TMEM242: variants seen among roughly 807,000 people sequenced by gnomAD.
The protein encoded by TMEM242 is transmembrane protein 242.
Under a neutral mutation model 18.2 loss-of-function variants are expected in TMEM242, and 10 were observed. That is an observed-to-expected ratio of 0.55 (90% CI 0.34 to 0.93). The LOEUF (loss-of-function observed/expected upper bound fraction) is 0.93. TMEM242 is among the 40% of genes least tolerant of loss of function. The pLI, the probability that TMEM242 is intolerant of heterozygous loss-of-function variation, is 0.02. For synonymous variants in TMEM242, 57 were observed against 69.9 expected (o/e 0.81, Z 0.92); for missense variants, 186 against 175.5 (o/e 1.06, Z -0.34).
At chr6:157,312,678 C>T (rs1554249379) in intron 3 of TMEM242, among the ~76,000 whole-genome samples, 1 of 146,896 alleles carries the variant, frequency 6.8e-6, no homozygotes, top group Non-Finnish European at 1.5e-5. Context: ...GTGCACTCAC[C>T]TAGCCTCATC....
intron 3 of TMEM242, among the ~76,000 whole-genome samples, chr6:157,310,534 A>ACTG (rs1777997066): frequency 5.1e-4 from 5 of 9,840 alleles, no homozygotes; most frequent in East Asian, 3.2e-3. Context: ...TCATCATGGT[A>ACTG]TCCCAGTGTG....
chr6:157,323,332 T>A (rs587745978), intron 1 of TMEM242, 80 bp downstream of exon 1: 704 of 1,460,452 alleles, frequency 4.8e-4, no homozygotes, highest in Non-Finnish European at 6.3e-4. Flanking sequence ...GGGATGTGTG[T>A]GGGAATGCCC....
In TMEM242 at chr6:157,308,652, C is replaced by T. The variant is rs138938709; in HGVS notation, c.327+10130G>A. On this transcript the variant is annotated intron_variant, in intron 3 of 3. Coordinates refer to ENST00000400788, the MANE Select transcript of TMEM242 (RefSeq NM_018452.6). Reference sequence around the variant, plus strand: ...TCTATCAGCAGAAGAGGAGGCAAGACGGGGCCCTGGAAAGCTGTGCAAGAT... The same window carrying T: ...TCTATCAGCAGAAGAGGAGGCAAGATGGGGCCCTGGAAAGCTGTGCAAGAT... Among the ~76,000 whole-genome samples the T allele has an allele frequency of 2.2e-3, 338 of 151,552 alleles. 3 individuals carry two copies. The highest frequency in any genetic ancestry group is 7.5e-3 in the African/African-American group (312 of 41,356).
At chr6:157,294,443 C>T (rs989673323) in intron 3 of TMEM242, among the ~76,000 whole-genome samples, 3 of 149,358 alleles carry the variant, frequency 2.0e-5, no homozygotes, top group Admixed American at 6.7e-5. Flanking sequence ...CTCCGCCTCC[C>T]GGGTTCACGC....
intron 3 of TMEM242, among the ~76,000 whole-genome samples, chr6:157,314,295 T>G (rs1554250095): frequency 6.7e-6 from 1 of 149,974 alleles, no homozygotes; most frequent in Non-Finnish European, 1.5e-5. Flanking sequence ...AGTGTCGCAG[T>G]GTGCACTCAC....
At chr6:157,313,077 T>TCC (rs1778240829) in intron 3 of TMEM242, among the ~76,000 whole-genome samples, 5 of 149,052 alleles carry the variant, frequency 3.4e-5, no homozygotes, top group African/African-American at 1.0e-4. Flanking sequence ...GGTCCCAGTA[T>TCC]GCACTCACCT....
At chr6:157,303,993 C>T (rs1554247704) in intron 3 of TMEM242, among the ~76,000 whole-genome samples, 3 of 152,080 alleles carry the variant, frequency 2.0e-5, no homozygotes, top group East Asian at 3.8e-4. Flanking sequence ...TTCCTGTTTA[C>T]GGTATTTAAA....
chr6:157,293,145 T>C, intron 3 of TMEM242, 146 bp from the exon 4 acceptor site: 1 of 552,566 alleles, frequency 1.8e-6, no homozygotes, highest in East Asian at 2.8e-5. Context: ...GGACTATATA[T>C]ATCCTAGGTA....
Position 157,318,846 on chromosome 6 carries a change from A to T in TMEM242, c.263T>A (p.Leu88Gln), listed in dbSNP as rs1480377958. ...CACACCAACCCCACACCATGCATAC[A>T]GGGAGCCCCAGCCCAGAGCTCGCAA... The part of the protein sequence containing the change: ...LALRALGWGS[L>Q]YAWCGVGVIS... The change falls in exon 3 of 4, where the codon CTG becomes CAG. Residue 88 changes from leucine to glutamine, a missense_variant. Leu to Gln is a moderately radical substitution (Grantham distance 113). Transcript: ENST00000400788. 8 of 1,613,826 alleles carry T rather than the reference A, an allele frequency of 5.0e-6. No individual in the cohort carries two copies. The highest frequency in any genetic ancestry group is 1.3e-5 in the African/African-American group (1 of 74,938).
intron 2 of TMEM242, among the ~76,000 whole-genome samples, chr6:157,322,319 T>C (rs1778508958): frequency 6.6e-6 from 1 of 152,092 alleles, no homozygotes; most frequent in South Asian, 2.1e-4. Context: ...TTAGTAGAGA[T>C]GGGTTTTCGC....
At chr6:157,320,832 G>A (rs1247800871) in intron 2 of TMEM242, among the ~76,000 whole-genome samples, 1 of 152,068 alleles carries the variant, frequency 6.6e-6, no homozygotes, top group Non-Finnish European at 1.5e-5. Flanking sequence ...GAAAAGACAA[G>A]CTCATTTTAT....
At chr6:157,321,875 T>C (rs1778499928) in intron 2 of TMEM242, among the ~76,000 whole-genome samples, 2 of 152,312 alleles carry the variant, frequency 1.3e-5, no homozygotes, top group Middle Eastern at 3.4e-3. Context: ...GAAAACATTC[T>C]ATAACATAGA....
chr6:157,310,130 A>G (rs1554248221), intron 3 of TMEM242, among the ~76,000 whole-genome samples: 1 of 152,234 alleles, frequency 6.6e-6, no homozygotes, highest in Admixed American at 6.5e-5. Context: ...TAAATAACCT[A>G]AACCTCTTCA....
chr6:157,312,090 C>T (rs1562384127), intron 3 of TMEM242, among the ~76,000 whole-genome samples: 2 of 121,164 alleles, frequency 1.7e-5, no homozygotes, highest in Non-Finnish European at 3.4e-5. Flanking sequence ...AACATAGTGC[C>T]CTAGTGTCCC....
chr6:157,312,358 T>TG (rs1583568744), intron 3 of TMEM242, among the ~76,000 whole-genome samples: 8 of 12,402 alleles, frequency 6.5e-4, no homozygotes, highest in African/African-American at 1.0e-3. Context: ...CCTCATCATG[T>TG]CCCAGTGTGC....
chr6:157,309,146 C>T (rs1291071635), intron 3 of TMEM242, among the ~76,000 whole-genome samples: 1 of 152,126 alleles, frequency 6.6e-6, no homozygotes, highest in African/African-American at 2.4e-5. Flanking sequence ...TGCAGAGTAG[C>T]AGGCAGTAAA....
At chr6:157,293,124 A>G (rs1157566850) in intron 3 of TMEM242, 125 bp from the exon 4 acceptor site, 7 of 641,344 alleles carry the variant, frequency 1.1e-5, no homozygotes, top group African/African-American at 9.1e-5. Context: ...AGGAACATCA[A>G]TAAAAGATAG....
At chr6:157,295,441 T>C (rs1321906205) in intron 3 of TMEM242, among the ~76,000 whole-genome samples, 2 of 152,248 alleles carry the variant, frequency 1.3e-5, no homozygotes, top group African/African-American at 2.4e-5. Context: ...TGGTTGAACA[T>C]CTTTTACAAC....
rs192535118 is a variant in TMEM242 at position 157,305,668 on chromosome 6, C to T, written c.328-12669G>A. Among the ~76,000 whole-genome samples the T allele has an allele frequency of 1.1e-4, 17 of 152,134 alleles. No individual in the cohort carries two copies. The highest frequency in any genetic ancestry group is 4.1e-4 in the African/African-American group (17 of 41,500). On this transcript the variant is annotated intron_variant, in intron 3 of 3. Transcript: ENST00000400788. This position sits in a 1 kb window ranked among gnomAD's most constrained non-coding sequence, Gnocchi z 4.1. ...TGGACACTGATGTTAAGAGGCTGGC[C>T]AGGGGAGGGGTTGGCACAAGAGACA...
Sources: allele counts gnomAD v4.1 joint callset (sites outside exome capture counted in the v4.1 genomes callset), GRCh38; gene constraint gnomAD v4.1.1; non-coding constraint Gnocchi (gnomAD v3.1); transcripts MANE v1.5; gene names NCBI Gene and HGNC (gene_info 2026-07-23, HGNC 2026-07-21).